LRRC9: variants seen among roughly 807,000 people sequenced by gnomAD.
LRRC9 encodes leucine rich repeat containing 9, also known as leucine-rich repeat-containing protein 9.
A neutral mutation model predicts 63.2 loss-of-function variants in LRRC9; 122 were observed. That is an observed-to-expected ratio of 1.93 (90% CI 1.67 to 2.24). The LOEUF (loss-of-function observed/expected upper bound fraction) is 2.24. LRRC9 is among the 30% of genes most tolerant of loss of function. The pLI is 0.00. For synonymous variants in LRRC9, 366 were observed against 213.1 expected, an observed-to-expected ratio of 1.72 and a Z score of -6.25; for missense variants, 1,071 against 627.7, an observed-to-expected ratio of 1.71 and a Z score of -7.55.
At position 60,006,634 on chromosome 14, in the gene LRRC9, T is replaced by C. The variant is rs1889831636; in HGVS notation, c.3063+17T>C. Reference sequence around the variant, plus strand: ...AATTTAAAGGTAATCATCTGGGTAGTAATTTTTTTGTTTTTTAACATGTAT... The same window carrying C: ...AATTTAAAGGTAATCATCTGGGTAGCAATTTTTTTGTTTTTTAACATGTAT... On this transcript the variant is annotated intron_variant, in intron 22 of 31. Transcript: ENST00000445360. The C allele has an allele frequency of 1.7e-6, 1 of 587,746 alleles. No individual in the cohort carries two copies. The highest frequency in any genetic ancestry group is 2.1e-5 in the South Asian group (1 of 47,488). The allele number at this position is 587,746 out of a possible 1,614,324, so 36.4% of individuals were successfully genotyped here.
At chr14:59,935,010 G>A (rs888224828) in intron 6 of LRRC9, among the ~76,000 whole-genome samples, 1 of 151,932 alleles carries the variant, frequency 6.6e-6, no homozygotes, top group Non-Finnish European at 1.5e-5. Context: ...ATAAGGCCGG[G>A]CATGGTGGCT....
chr14:59,976,785 C>T (rs79462942), intron 13 of LRRC9, among the ~76,000 whole-genome samples: 1 of 152,020 alleles, frequency 6.6e-6, no homozygotes, highest in East Asian at 1.9e-4. Context: ...TAATGAATCC[C>T]AAGGATCCTT....
Position 59,968,380 on chromosome 14 carries a change from T to C in LRRC9, c.1506+1167T>C, listed in dbSNP as rs567458934. On this transcript the variant is annotated intron_variant, in intron 12 of 31. Transcript: ENST00000445360. ...CGATGGTTGCACAACAACGTGAATGTACCTAATGCCACTGAATTGTATGCT... is the reference window on the plus strand; with the variant it reads ...CGATGGTTGCACAACAACGTGAATGCACCTAATGCCACTGAATTGTATGCT... 2.0e-5 allele frequency among the ~76,000 whole-genome samples: 3 copies of C among 152,336 alleles called. No homozygotes were observed. The East Asian group carries it at 5.8e-4, about 29-fold the overall frequency.
chr14:60,041,491 T>C (rs1309794934), intron 29 of LRRC9, among the ~76,000 whole-genome samples: 1 of 152,210 alleles, frequency 6.6e-6, no homozygotes, highest in African/African-American at 2.4e-5. Flanking sequence ...TTTCATTCGT[T>C]TGATGTTCAA....
chr14:60,011,461 C>G (rs1890254292), intron 23 of LRRC9, among the ~76,000 whole-genome samples: 1 of 152,188 alleles, frequency 6.6e-6, no homozygotes, highest in African/African-American at 2.4e-5. Flanking sequence ...TTCCTTTTCA[C>G]TTTGCCTAAA....
At chr14:60,048,764 G>T (rs760262779) in intron 29 of LRRC9, among the ~76,000 whole-genome samples, 2 of 152,122 alleles carry the variant, frequency 1.3e-5, no homozygotes, top group African/African-American at 4.8e-5. Flanking sequence ...TTGAAAAGGA[G>T]GGTCTCCACC....
chr14:60,022,428 T>C (rs1891185204), intron 26 of LRRC9, among the ~76,000 whole-genome samples: 1 of 151,808 alleles, frequency 6.6e-6, no homozygotes. Context: ...GATCATGTCA[T>C]CTGAAAATAA....
Position 59,943,873 on chromosome 14 carries a change from T to C in LRRC9, c.727-716T>C, listed in dbSNP as rs140185234. 5.2e-3 allele frequency among the ~76,000 whole-genome samples: 796 copies of C among 152,170 alleles called. 5 individuals are homozygous for C. The highest frequency in any genetic ancestry group is 8.3e-3 in the Admixed American group (127 of 15,288). ...TAAAAGCCTTCCAACTTATTCGCTT[T>C]CATTATTTCAGGTAAACAAAACCAT... On this transcript the variant is annotated intron_variant, in intron 7 of 31. Transcript: ENST00000445360.
intron 8 of LRRC9, among the ~76,000 whole-genome samples, chr14:59,959,197 C>A (rs78526111): frequency 0.014 from 2,176 of 152,212 alleles, 52 homozygotes; most frequent in East Asian, 0.059. Context: ...AATAATATTC[C>A]ATGCAACATT....
intron 8 of LRRC9, among the ~76,000 whole-genome samples, chr14:59,947,938 G>T (rs1882641660): frequency 6.6e-6 from 1 of 152,026 alleles, no homozygotes; most frequent in Non-Finnish European, 1.5e-5. Flanking sequence ...AAGTCAGGTA[G>T]TGTGATGCCT....
Position 60,011,638 on chromosome 14 carries a change from A to C in LRRC9, c.3186+3424A>C, listed in dbSNP as rs189813862. ...CCACAAATTATTTGTGGAATAAGGCAGAATATAAATGTATGAATTAATAAT... is the reference window on the plus strand; with the variant it reads ...CCACAAATTATTTGTGGAATAAGGCCGAATATAAATGTATGAATTAATAAT... On this transcript the variant is annotated intron_variant, in intron 23 of 31. Coordinates refer to ENST00000445360, the Ensembl canonical transcript of LRRC9. 2.0e-5 allele frequency among the ~76,000 whole-genome samples: 3 copies of C among 152,328 alleles called. No homozygotes were observed. The East Asian group carries it at 5.8e-4, about 29-fold the overall frequency.
chr14:60,003,806 A>G lies in LRRC9; in HGVS notation c.2842+8A>G. ...GCATCTCAAAGATAGAAGGTAAGGT[A>G]CTTAAGAACTTTGAAGTCTCAAAAT... On this transcript the variant is annotated splice_region_variant and intron_variant, in intron 21 of 31. Coordinates refer to ENST00000445360, the Ensembl canonical transcript of LRRC9. This position sits in a 1 kb window ranked among gnomAD's most constrained non-coding sequence, Gnocchi z 4.2. The G allele has an allele frequency of 1.7e-6, 1 of 572,778 alleles. No homozygotes were observed. The highest frequency in any genetic ancestry group is 3.1e-5 in the East Asian group (1 of 32,094). 35.5% of individuals were successfully genotyped at this position (572,778 alleles called of 1,614,324 possible). A position where few individuals can be genotyped will look rare whatever the true frequency, so the allele number is the denominator to read the frequency against.
Position 59,927,108 on chromosome 14 carries a change from T to C in LRRC9, c.-33-803T>C, listed in dbSNP as rs1889274912. Among the ~76,000 whole-genome samples the C allele has an allele frequency of 6.6e-6, 1 of 152,104 alleles. No individual in the cohort carries two copies. Among genetic ancestry groups the C allele is most frequent in the African/African-American group, 2.4e-5 (1 of 41,444 alleles). On this transcript the variant is annotated intron_variant, in intron 1 of 31. Coordinates refer to ENST00000445360, the Ensembl canonical transcript of LRRC9. The surrounding 1 kb of genome is among the most constrained non-coding windows in gnomAD (Gnocchi z 4.4). ...ACAACTTAGTATATATCTTTCCATATTTTCTCCTGACAATAATTATACATA... is the reference window on the plus strand; with the variant it reads ...ACAACTTAGTATATATCTTTCCATACTTTCTCCTGACAATAATTATACATA...
chr14:59,925,976 C>T (rs557309760), intron 1 of LRRC9, among the ~76,000 whole-genome samples: 7 of 152,180 alleles, frequency 4.6e-5, no homozygotes, highest in Admixed American at 6.5e-5. Context: ...CTACAAGGGG[C>T]TTCCCCCTTC....
chr14:59,997,087 C>T (rs1038514140), intron 17 of LRRC9, among the ~76,000 whole-genome samples: 2 of 152,010 alleles, frequency 1.3e-5, no homozygotes, highest in African/African-American at 4.8e-5. Context: ...ACAATGCTTT[C>T]AGTGGTTCTT....
intron 7 of LRRC9, among the ~76,000 whole-genome samples, chr14:59,939,130 A>G (rs530052158): frequency 2.9e-4 from 43 of 149,264 alleles, no homozygotes; most frequent in Non-Finnish European, 5.5e-4. Flanking sequence ...TATATAAATT[A>G]AAGCTTAAAT....
chr14:60,029,192 G>A (rs936442181), intron 28 of LRRC9, among the ~76,000 whole-genome samples: 1 of 152,044 alleles, frequency 6.6e-6, no homozygotes, highest in Non-Finnish European at 1.5e-5. Context: ...CTGCAAAAAA[G>A]ACTGTCAAAT....
Position 59,938,276 on chromosome 14 carries a change from T to G in LRRC9, c.544-114T>G, listed in dbSNP as rs1274167290. On this transcript the variant is annotated intron_variant, in intron 6 of 31. Transcript: ENST00000445360. The surrounding 1 kb of genome is among the most constrained non-coding windows in gnomAD (Gnocchi z 4.2). ...TTTAGGCATCTAAATCACTTTAATG[T>G]ATTTAAGCGCATAATTAGAATGCAT... is the stretch of plus-strand genomic sequence containing the variant. 3 of 485,212 alleles carry G rather than the reference T, an allele frequency of 6.2e-6. No homozygotes were observed. Among genetic ancestry groups the G allele is most frequent in the Non-Finnish European group, 1.1e-5 (3 of 276,504 alleles). The allele number at this position is 485,212 out of a possible 1,614,324, so 30.1% of individuals were successfully genotyped here. A position where few individuals can be genotyped will look rare whatever the true frequency, so the allele number is the denominator to read the frequency against.
At chr14:59,947,794 GT>G (rs1424578016) in intron 8 of LRRC9, among the ~76,000 whole-genome samples, 1 of 148,126 alleles carries the variant, frequency 6.8e-6, no homozygotes, top group East Asian at 2.0e-4. Flanking sequence ...TTTTTCTCAG[GT>G]TTGTCAAAGA....
Sources: allele counts gnomAD v4.1 joint callset (sites outside exome capture counted in the v4.1 genomes callset), GRCh38; gene constraint gnomAD v4.1.1; non-coding constraint Gnocchi (gnomAD v3.1); transcripts MANE v1.5; gene names NCBI Gene and HGNC (gene_info 2026-07-23, HGNC 2026-07-21).